UBR3: variants seen among roughly 807,000 people sequenced by gnomAD.
The protein encoded by UBR3 is E3 ubiquitin-protein ligase UBR3.
UBR3 carries 85 observed loss-of-function variants against 243.2 expected under a neutral mutation model. The observed-to-expected ratio is 0.35, with a 90% CI of 0.29 to 0.42. The LOEUF is 0.42. UBR3 is among the 10% of genes least tolerant of loss of function. The pLI, the probability that UBR3 is intolerant of heterozygous loss-of-function variation, is 1.00. For missense variants in UBR3, 1,686 were observed against 2,300.8 expected (o/e 0.73, Z 5.47); for synonymous variants, 748 against 799.8 (o/e 0.94, Z 1.09).
chr2:170,036,952 C>T (rs2090847869), intron 31 of UBR3, among the ~76,000 whole-genome samples: 1 of 152,084 alleles, frequency 6.6e-6, no homozygotes, highest in African/African-American at 2.4e-5. Context: ...ACTAGTATTA[C>T]AATGTGTAAT....
At chr2:170,080,386 T>A in intron 37 of UBR3, 159 bp from the exon 38 acceptor site, 1 of 844,804 alleles carries the variant, frequency 1.2e-6, no homozygotes, top group Non-Finnish European at 1.7e-6. Flanking sequence ...TCCTAATGTA[T>A]TAATAATAAA....
rs534457665 is a variant in UBR3, at chr2:170,004,144, G to A, written c.4029+2730G>A. Reference sequence around the variant, plus strand: ...CCAGAAGAGTCATTGTGACAGTTGTGGAGAAAGGGAATTGCAGAAAAGTAA... The same window carrying A: ...CCAGAAGAGTCATTGTGACAGTTGTAGAGAAAGGGAATTGCAGAAAAGTAA... On this transcript the variant is annotated intron_variant, in intron 27 of 38. Transcript: ENST00000272793. Among the ~76,000 whole-genome samples, 6 of 152,328 alleles carry A rather than the reference G, an allele frequency of 3.9e-5. No homozygotes were observed. The South Asian group carries it at 1.2e-3, about 32-fold the overall frequency.
At chr2:169,910,376 A>C (rs1045347692) in intron 10 of UBR3, among the ~76,000 whole-genome samples, 3 of 152,178 alleles carry the variant, frequency 2.0e-5, no homozygotes, top group Non-Finnish European at 4.4e-5. Flanking sequence ...TGATATTGAT[A>C]TAAAAAGATC....
intron 1 of UBR3, among the ~76,000 whole-genome samples, chr2:169,870,946 G>A (rs1199608700): frequency 6.6e-6 from 1 of 150,420 alleles, no homozygotes; most frequent in East Asian, 1.9e-4. Flanking sequence ...GAGCCACTGT[G>A]CCTGGCCAAA....
intron 25 of UBR3, 86 bp downstream of exon 25, chr2:169,986,880 T>G (rs1574344004): frequency 2.8e-6 from 4 of 1,413,594 alleles, no homozygotes; most frequent in Non-Finnish European, 3.8e-6. Context: ...TAAATGAAAA[T>G]TATATCTTTG....
At chr2:169,896,485 C>G (rs1186301692) in intron 7 of UBR3, 22 bp from the exon 8 acceptor site, 1 of 1,404,772 alleles carries the variant, frequency 7.1e-7, no homozygotes, top group Non-Finnish European at 9.5e-7. Flanking sequence ...GTGTTTTTTC[C>G]TTTCTATTAA....
intron 18 of UBR3, among the ~76,000 whole-genome samples, chr2:169,931,084 G>A (rs1206842613): frequency 6.6e-6 from 1 of 152,196 alleles, no homozygotes. Context: ...GGGCGCAGTG[G>A]CTCACGCCTG....
intron 35 of UBR3, among the ~76,000 whole-genome samples, chr2:170,068,517 T>C (rs913462466): frequency 5.9e-5 from 9 of 151,892 alleles, no homozygotes; most frequent in Non-Finnish European, 4.4e-5. Context: ...AGAAGAAAGA[T>C]CTAAATCATT....
In UBR3 at chr2:169,932,865, A is replaced by G. The variant is rs1464227545; in HGVS notation, c.2567-47A>G. The G allele has an allele frequency of 4.3e-6, 6 of 1,405,184 alleles. No homozygotes were observed. The South Asian group carries it at 7.7e-5, about 18-fold the overall frequency. The allele number at this position is 1,405,184 out of a possible 1,614,324, so 87.0% of individuals were successfully genotyped here. On this transcript the variant is annotated intron_variant, in intron 18 of 38. Transcript: ENST00000272793. Reference sequence around the variant, plus strand: ...AAATGTAATAAGTCAATAAATATTGATTTTATTTCTGAGAAGTCAATGTTT... The same window carrying G: ...AAATGTAATAAGTCAATAAATATTGGTTTTATTTCTGAGAAGTCAATGTTT...
chr2:170,080,317 T>C, intron 37 of UBR3: 1 of 584,562 alleles, frequency 1.7e-6, no homozygotes, highest in Non-Finnish European at 2.9e-6. Flanking sequence ...TTGAAGATAC[T>C]AGACTCTGAA....
rs569102667 is a variant in UBR3, at chr2:169,882,735, C to T, written c.1038+4161C>T. On this transcript the variant is annotated intron_variant, in intron 5 of 38. Coordinates refer to ENST00000272793, the MANE Select transcript of UBR3 (RefSeq NM_172070.4). ...CCTGGGTGACAGAGTGAGACTCCAT[C>T]TCAAAAAAAAGAAAAAAAAAAAGAA... is the stretch of plus-strand genomic sequence containing the variant. Among the ~76,000 whole-genome samples, 5 of 148,732 alleles carry T rather than the reference C, an allele frequency of 3.4e-5. No homozygotes were observed. The South Asian group carries it at 8.5e-4, about 25-fold the overall frequency.
intron 1 of UBR3, among the ~76,000 whole-genome samples, chr2:169,861,510 G>A (rs1159966007): frequency 6.6e-6 from 1 of 151,732 alleles, no homozygotes; most frequent in Non-Finnish European, 1.5e-5. Flanking sequence ...GGGAGCCTGA[G>A]GCAGGAGAAT....
In UBR3 at chr2:170,082,670, G is replaced by A. The variant is rs780227550; in HGVS notation, c.*827G>A. 2 of 152,482 alleles carry A rather than the reference G, an allele frequency of 1.3e-5. No homozygotes were observed. Among genetic ancestry groups the A allele is most frequent in the African/African-American group, 2.4e-5 (1 of 41,406 alleles). 9.4% of individuals were successfully genotyped at this position (152,482 alleles called of 1,614,324 possible). Reference sequence around the variant, plus strand: ...CATACACTGGGCAGATGTTGATTCCGTGCATGCCCACCTTTTATTACCAAA... The same window carrying A: ...CATACACTGGGCAGATGTTGATTCCATGCATGCCCACCTTTTATTACCAAA... On this transcript the variant is annotated 3_prime_UTR_variant, in exon 39 of 39. Coordinates refer to ENST00000272793, the MANE Select transcript of UBR3 (RefSeq NM_172070.4).
intron 19 of UBR3, among the ~76,000 whole-genome samples, chr2:169,942,041 C>T (rs1474690195): frequency 1.3e-5 from 2 of 152,178 alleles, no homozygotes; most frequent in East Asian, 3.8e-4. Context: ...TCATTAATTC[C>T]TTCTTTTTTT....
chr2:170,032,621 C>T (rs1385749322), intron 31 of UBR3, among the ~76,000 whole-genome samples: 1 of 30,230 alleles, frequency 3.3e-5, no homozygotes, highest in Non-Finnish European at 6.8e-5. Flanking sequence ...TAGTTCAGGC[C>T]AGTTATTTTG....
At position 169,946,344 on chromosome 2, in the gene UBR3, G is replaced by T; in HGVS notation, c.2862G>T (p.Leu954=). Residue 954 remains leucine, a synonymous_variant, in exon 21 of 39, where the codon CTG becomes CTT. Coordinates refer to ENST00000272793, the MANE Select transcript of UBR3 (RefSeq NM_172070.4). ...SEHVLCMVLY[L]IELGLENSAE... is the part of the protein sequence containing the mutation. ...ATGTACTCTGCATGGTTTTATATCTGATTGAATTAGGACTTGAAAATTCTG... is the reference window on the plus strand; with the variant it reads ...ATGTACTCTGCATGGTTTTATATCTTATTGAATTAGGACTTGAAAATTCTG... 1 of 1,510,586 alleles carries T rather than the reference G, an allele frequency of 6.6e-7. No individual in the cohort carries two copies. Among genetic ancestry groups the T allele is most frequent in the Non-Finnish European group, 8.9e-7 (1 of 1,125,740 alleles). 93.6% of individuals were successfully genotyped at this position (1,510,586 alleles called of 1,614,324 possible).
At chr2:170,023,616 G>A (rs78848004) in intron 30 of UBR3, among the ~76,000 whole-genome samples, 2 of 151,380 alleles carry the variant, frequency 1.3e-5, no homozygotes, top group African/African-American at 2.4e-5. Context: ...TTTTTGAGAC[G>A]GAGTCTTGCT....
chr2:170,009,167 A>G (rs987424286), intron 29 of UBR3, among the ~76,000 whole-genome samples: 34 of 152,242 alleles, frequency 2.2e-4, no homozygotes, highest in Admixed American at 1.2e-3. Flanking sequence ...ACATTATAGT[A>G]CATGGGGGAA....
intron 2 of UBR3, among the ~76,000 whole-genome samples, chr2:169,872,679 A>G (rs1380914480): frequency 6.6e-6 from 1 of 152,148 alleles, no homozygotes; most frequent in Non-Finnish European, 1.5e-5. Context: ...TTTATTTGCA[A>G]TATTATGATA....
Sources: gnomAD v4.1 joint callset for allele counts (sites outside exome capture counted in the v4.1 genomes callset) on GRCh38, gnomAD v4.1.1 for gene constraint, MANE v1.5 for transcripts, NCBI Gene and HGNC (gene_info 2026-07-23, HGNC 2026-07-21) for gene names.